NLGN4X: variants seen among roughly 807,000 people sequenced by gnomAD.
The protein encoded by NLGN4X is neuroligin-4, X-linked.
Under a neutral mutation model 40.3 loss-of-function variants are expected in NLGN4X, and 3 were observed. That is an observed-to-expected ratio of 0.07 (90% CI 0.03 to 0.19). NLGN4X has a LOEUF of 0.19. NLGN4X is among the 10% of genes least tolerant of loss of function. The pLI, the probability that NLGN4X is intolerant of heterozygous loss-of-function variation, is 1.00. For synonymous variants in NLGN4X, 270 were observed against 306.8 expected, an observed-to-expected ratio of 0.88 and a Z score of 1.25; for missense variants, 382 against 708.3, an observed-to-expected ratio of 0.54 and a Z score of 5.23.
intron 5 of NLGN4X, 90 bp from the exon 6 acceptor site, chrX:5,893,756 T>C: frequency 9.9e-7 from 1 of 1,010,066 alleles, no homozygotes; most frequent in Non-Finnish European, 1.4e-6. Flanking sequence ...GAAGTTACAA[T>C]CTGCTCTTCA....
chrX:6,207,046 A>T (rs202168554), intron 1 of NLGN4X, among the ~76,000 whole-genome samples: 114 of 106,273 alleles, frequency 1.1e-3, no homozygotes, highest in Admixed American at 1.9e-3. Flanking sequence ...TCTCTCTCTC[A>T]CACACACATA....
At chrX:6,021,073 C>CTCTCTCTCTCT (rs1569190222) in intron 3 of NLGN4X, among the ~76,000 whole-genome samples, 19 of 21,913 alleles carry the variant, frequency 8.7e-4, no homozygotes, top group African/African-American at 4.2e-3. Flanking sequence ...TCCCTCCCTC[C>CTCTCTCTCTCT]CTCCCTCTCT....
chrX:6,059,040 A>C (rs1016494973), intron 2 of NLGN4X, among the ~76,000 whole-genome samples: 1 of 110,956 alleles, frequency 9.0e-6, no homozygotes, highest in African/African-American at 3.4e-5. Context: ...AGTGAATTAG[A>C]TTTTGGAATT....
At position 5,891,233 on chromosome X, in the gene NLGN4X, A is replaced by C. The variant is rs1056696120; in HGVS notation, c.*1584T>G. 8.5e-6 allele frequency: 2 copies of C among 235,260 alleles called. No individual in the cohort carries two copies. The highest frequency in any genetic ancestry group is 1.2e-4 in the Admixed American group (2 of 16,451). 19.4% of individuals were successfully genotyped at this position (235,260 alleles called of 1,213,427 possible). A position where few individuals can be genotyped will look rare whatever the true frequency, so the allele number is the denominator to read the frequency against. ...AAAATGGGTGAATAATTTCCATTCA[A>C]TGTCTTCTCAGTGAAGTTATCCTAA... On this transcript the variant is annotated 3_prime_UTR_variant, in exon 6 of 6. Coordinates refer to ENST00000381095, the MANE Select transcript of NLGN4X (RefSeq NM_181332.3).
chrX:6,127,344 T>C (rs1176374477), intron 2 of NLGN4X, among the ~76,000 whole-genome samples: 1 of 112,731 alleles, frequency 8.9e-6, no homozygotes, highest in African/African-American at 3.2e-5. Flanking sequence ...CTGGGCACAG[T>C]GGTTCATGCC....
intron 3 of NLGN4X, among the ~76,000 whole-genome samples, chrX:6,012,290 A>G (rs2036274550): frequency 8.9e-6 from 1 of 112,592 alleles, no homozygotes. Context: ...CTCCTTGTCA[A>G]ACTGATGGAG....
At chrX:6,152,501 A>G (rs1162712873) in intron 1 of NLGN4X, among the ~76,000 whole-genome samples, 3 of 112,092 alleles carry the variant, frequency 2.7e-5, no homozygotes, top group Middle Eastern at 4.6e-3. Flanking sequence ...TGGAGCTCTA[A>G]AAGTTTTCCA....
chrX:5,962,558 A>G (rs893918187), intron 3 of NLGN4X, among the ~76,000 whole-genome samples: 2 of 112,640 alleles, frequency 1.8e-5, no homozygotes, highest in Non-Finnish European at 3.8e-5. Flanking sequence ...TATTTTAATC[A>G]AAACAGTAGA....
chrX:6,003,014 C>A (rs1047518130), intron 3 of NLGN4X, among the ~76,000 whole-genome samples: 1 of 111,519 alleles, frequency 9.0e-6, no homozygotes, highest in African/African-American at 3.3e-5. Context: ...AATAAAAAAT[C>A]CCCTGCATTT....
At chrX:5,984,209 C>G (rs2035466497) in intron 3 of NLGN4X, among the ~76,000 whole-genome samples, 1 of 110,258 alleles carries the variant, frequency 9.1e-6, no homozygotes, top group Admixed American at 9.7e-5. Flanking sequence ...TAAGAAGAAA[C>G]TAAAATTAAT....
chrX:6,091,273 G>A (rs973386101), intron 2 of NLGN4X, among the ~76,000 whole-genome samples: 5 of 111,419 alleles, frequency 4.5e-5, no homozygotes, highest in African/African-American at 1.6e-4. Flanking sequence ...TACCTTGCGA[G>A]GTCAATGACT....
intron 3 of NLGN4X, among the ~76,000 whole-genome samples, chrX:5,934,260 A>AAT (rs1315531202): frequency 8.9e-6 from 1 of 112,209 alleles, no homozygotes; most frequent in African/African-American, 3.2e-5. Flanking sequence ...AAGGCTGAAG[A>AAT]ATAGTTCATT....
At chrX:6,088,505 A>G (rs1191349992) in intron 2 of NLGN4X, among the ~76,000 whole-genome samples, 2 of 112,026 alleles carry the variant, frequency 1.8e-5, no homozygotes, top group African/African-American at 6.5e-5. Context: ...AAAGAGATTC[A>G]AGTCTTAATA....
At chrX:5,924,214 A>T (rs1252536977) in intron 3 of NLGN4X, among the ~76,000 whole-genome samples, 1 of 111,779 alleles carries the variant, frequency 8.9e-6, no homozygotes, top group African/African-American at 3.3e-5. Flanking sequence ...CTGAATATGG[A>T]ATCATGGCTA....
chrX:5,922,507 T>C (rs1462588065), intron 3 of NLGN4X, among the ~76,000 whole-genome samples: 1 of 111,528 alleles, frequency 9.0e-6, no homozygotes, highest in African/African-American at 3.3e-5. Context: ...AAATGAAATG[T>C]GGGGAGTACT....
intron 2 of NLGN4X, among the ~76,000 whole-genome samples, chrX:6,128,826 T>G (rs1310241173): frequency 6.2e-5 from 7 of 112,522 alleles, no homozygotes; most frequent in Admixed American, 9.4e-5. Flanking sequence ...TTGAATATTT[T>G]TTAATTTTTT....
At chrX:5,896,560 C>T (rs779493488) in intron 5 of NLGN4X, among the ~76,000 whole-genome samples, 1 of 112,190 alleles carries the variant, frequency 8.9e-6, no homozygotes, top group African/African-American at 3.2e-5. Context: ...ATGTCTTCCT[C>T]CTTATCCCCC....
At chrX:6,159,354 A>G (rs1251036019) in intron 1 of NLGN4X, among the ~76,000 whole-genome samples, 1 of 111,459 alleles carries the variant, frequency 9.0e-6, no homozygotes. Flanking sequence ...ATTATTTTTT[A>G]CTCTTTAAAA....
chrX:6,014,668 A>G (rs59797226), intron 3 of NLGN4X, among the ~76,000 whole-genome samples: 11,260 of 111,629 alleles, frequency 0.1, 1,097 homozygotes, highest in African/African-American at 0.3. Flanking sequence ...GGAACTGATA[A>G]GTAGTTTCAT....
Sources: gnomAD v4.1 joint callset for allele counts (sites outside exome capture counted in the v4.1 genomes callset) on GRCh38, gnomAD v4.1.1 for gene constraint, MANE v1.5 for transcripts, NCBI Gene and HGNC (gene_info 2026-07-23, HGNC 2026-07-21) for gene names.